Variants in HECTD4 observed in about 807,000 individuals in gnomAD.
HECTD4 encodes the protein HECT domain E3 ubiquitin protein ligase 4.
HECTD4 carries 114 observed loss-of-function variants against 471.5 expected under a neutral mutation model. The observed-to-expected ratio is 0.24, with a 90% CI of 0.21 to 0.28. HECTD4 has a LOEUF of 0.28. Ranked by LOEUF, HECTD4 falls within the 10% of genes least tolerant of loss-of-function variation. HECTD4 has a pLI of 1.00. For missense variants in HECTD4, 3,866 were observed against 5,651.5 expected (o/e 0.68, Z 10.13); for synonymous variants, 2,012 against 2,256.0 (o/e 0.89, Z 3.07).
chr12:112,203,834 T>C, intron 53 of HECTD4, 62 bp from the exon 54 acceptor site: 3 of 1,081,318 alleles, frequency 2.8e-6, no homozygotes, highest in Non-Finnish European at 3.9e-6. Context: ...GGTTCTTACA[T>C]TTAGCATCTA....
At chr12:112,165,908 C>G (rs1033578934) in intron 72 of HECTD4, among the ~76,000 whole-genome samples, 4 of 152,190 alleles carry the variant, frequency 2.6e-5, no homozygotes, top group Admixed American at 6.5e-5. Flanking sequence ...GATGGACATT[C>G]GGGTCTAAGC....
chr12:112,208,123 C>A, intron 51 of HECTD4, 123 bp from the exon 52 acceptor site: 1 of 1,133,098 alleles, frequency 8.8e-7, no homozygotes, highest in South Asian at 1.6e-5. Flanking sequence ...ATAGAAAGAT[C>A]AGACATAGAC....
chr12:112,280,459 A>G (rs1440834651), intron 8 of HECTD4, among the ~76,000 whole-genome samples: 1 of 152,214 alleles, frequency 6.6e-6, no homozygotes, highest in East Asian at 1.9e-4. Flanking sequence ...ATAACTTATT[A>G]TCTATAGCCT....
In HECTD4 at chr12:112,166,871, G is replaced by A. The variant is rs138097869; in HGVS notation, c.12534+446C>T. On this transcript the variant is annotated intron_variant, in intron 72 of 75. Coordinates refer to ENST00000682272, the MANE Select transcript of HECTD4 (RefSeq NM_001388303.1). The surrounding 1 kb of genome is among the most constrained non-coding windows in gnomAD (Gnocchi z 4.6). ...AGCACCATGCTGTCAACATCTGTGC[G>A]TGGCGTACGCATGCCCTGGACAGGC... 1.0e-3 allele frequency: 159 copies of A among 156,208 alleles called. No individual in the cohort carries two copies. The highest frequency in any genetic ancestry group is 3.5e-3 in the African/African-American group (147 of 41,648). 9.7% of individuals were successfully genotyped at this position (156,208 alleles called of 1,614,324 possible). A position where few individuals can be genotyped will look rare whatever the true frequency, so the allele number is the denominator to read the frequency against.
intron 1 of HECTD4, among the ~76,000 whole-genome samples, chr12:112,367,328 A>C (rs1274142126): frequency 6.6e-6 from 1 of 151,354 alleles, no homozygotes; most frequent in Non-Finnish European, 1.5e-5. Flanking sequence ...GAAAGAAAGA[A>C]AGAAAGAAAG....
In HECTD4 at chr12:112,270,121, C is replaced by G. The variant is rs868180797; in HGVS notation, c.2175+106G>C. ...GATCAGAAGGTGGTAAGATGCAGAACAGGAAAATCATTAAATTTTTCTTCT... is the reference window on the plus strand; with the variant it reads ...GATCAGAAGGTGGTAAGATGCAGAAGAGGAAAATCATTAAATTTTTCTTCT... On this transcript the variant is annotated intron_variant, in intron 12 of 75. Transcript: ENST00000682272. The G allele has an allele frequency of 5.9e-5, 57 of 967,786 alleles. No homozygotes were observed. In the Middle Eastern group the frequency reaches 3.1e-3, roughly 52 times the overall value. The allele number at this position is 967,786 out of a possible 1,614,324, so 59.9% of individuals were successfully genotyped here.
intron 50 of HECTD4, among the ~76,000 whole-genome samples, chr12:112,209,545 C>T (rs1361159656): frequency 2.0e-5 from 3 of 152,106 alleles, no homozygotes; most frequent in Non-Finnish European, 4.4e-5. Flanking sequence ...AGGCTGGTCT[C>T]GAACTCCCAA....
intron 37 of HECTD4, among the ~76,000 whole-genome samples, 184 bp downstream of exon 37, chr12:112,234,893 T>A (rs1429300576): frequency 6.6e-6 from 1 of 152,216 alleles, no homozygotes; most frequent in African/African-American, 2.4e-5. Context: ...GAAGACTACA[T>A]CTGCATTTCA....
At chr12:112,200,079 A>T (rs910947352) in intron 55 of HECTD4, among the ~76,000 whole-genome samples, 1 of 151,854 alleles carries the variant, frequency 6.6e-6, no homozygotes, top group African/African-American at 2.4e-5. Context: ...GAGTCAGTCA[A>T]TCTCTAGCTA....
Position 112,228,573 on chromosome 12 carries a change from A to T in HECTD4, c.6684+74T>A. 7.7e-7 allele frequency: 1 copy of T among 1,299,320 alleles called. No homozygotes were observed. The highest frequency in any genetic ancestry group is 1.1e-6 in the Non-Finnish European group (1 of 940,762). 80.5% of individuals were successfully genotyped at this position (1,299,320 alleles called of 1,614,324 possible). ...ATCAAGCATTTGTGCTTCTGCACTG[A>T]GCATGTGCATAGACTCATTACAGTA... On this transcript the variant is annotated intron_variant, in intron 42 of 75. Coordinates refer to ENST00000682272, the MANE Select transcript of HECTD4 (RefSeq NM_001388303.1). The surrounding 1 kb of genome is among the most constrained non-coding windows in gnomAD (Gnocchi z 4.9).
At chr12:112,233,607 T>G (rs977092785) in intron 37 of HECTD4, among the ~76,000 whole-genome samples, 2 of 152,128 alleles carry the variant, frequency 1.3e-5, no homozygotes, top group African/African-American at 4.8e-5. Flanking sequence ...TTATAGCACT[T>G]TAGGGCCCAA....
Position 112,204,599 on chromosome 12 carries a change from G to A in HECTD4, c.8156C>T (p.Thr2719Met). The change falls in exon 53 of 76, where the codon ACG becomes ATG. Residue 2719 changes from threonine to methionine, a missense_variant. Transcript: ENST00000682272. ...QLGMVDIARQ[T>M]VEFLYEENGG... Reference sequence around the variant, plus strand: ...ATTCTCTTCGTAGAGAAATTCAACCGTCTGTCGGGCAATATCCACCATACC... The same window carrying A: ...ATTCTCTTCGTAGAGAAATTCAACCATCTGTCGGGCAATATCCACCATACC... 4 of 1,613,314 alleles carry A rather than the reference G, an allele frequency of 2.5e-6. No homozygotes were observed. The highest frequency in any genetic ancestry group is 1.3e-5 in the African/African-American group (1 of 74,996).
chr12:112,193,533 C>T lies in HECTD4; in HGVS notation c.8891G>A (p.Arg2964Gln), dbSNP rs759487781. The T allele has an allele frequency of 1.1e-5, 17 of 1,612,354 alleles. No individual in the cohort carries two copies. The highest frequency in any genetic ancestry group is 5.3e-5 in the African/African-American group (4 of 74,882). The stretch of plus-strand genomic sequence containing the variant: ...GCTCTCCTCGCCCTGGTGCAGGGTC[C>T]GGGTGATGGCCACGTTGAGCCACTC... ...VREWLNVAIT[R>Q]TLHQGEESLL... The change falls in exon 57 of 76, where the codon CGG becomes CAG. Residue 2964 changes from arginine (R) to glutamine (Q), a missense_variant. By Grantham distance (43) the Arg-to-Gln change is conservative (BLOSUM62 1). Transcript: ENST00000682272. The surrounding 1 kb of genome is among the most constrained non-coding windows in gnomAD (Gnocchi z 5.2).
In HECTD4 at chr12:112,194,234, A is replaced by G. The variant is rs2032169074; in HGVS notation, c.8750-560T>C. On this transcript the variant is annotated intron_variant, in intron 56 of 75. Coordinates refer to ENST00000682272, the MANE Select transcript of HECTD4 (RefSeq NM_001388303.1). The surrounding 1 kb of genome is among the most constrained non-coding windows in gnomAD (Gnocchi z 4.6). ...ACCCCACAGTTGTGAGCTGGAGGGC[A>G]GCTACCCAGGATGCTGACTGAGCCT... is the stretch of plus-strand genomic sequence containing the variant. Among the ~76,000 whole-genome samples, 1 of 152,382 alleles carries G rather than the reference A, an allele frequency of 6.6e-6. No individual in the cohort carries two copies. Among genetic ancestry groups the G allele is most frequent in the Middle Eastern group, 3.4e-3 (1 of 294 alleles).
chr12:112,181,522 G>T (rs2031667567), intron 62 of HECTD4, among the ~76,000 whole-genome samples: 1 of 152,110 alleles, frequency 6.6e-6, no homozygotes, highest in Non-Finnish European at 1.5e-5. Context: ...GAGTGCAGTG[G>T]CGTGATCTCA....
intron 1 of HECTD4, among the ~76,000 whole-genome samples, chr12:112,324,006 C>T (rs1374591364): frequency 4.6e-5 from 2 of 43,558 alleles, no homozygotes; most frequent in African/African-American, 5.2e-4. Context: ...TCCTTCCTTC[C>T]TTCCTTCCTT....
intron 14 of HECTD4, 56 bp from the exon 15 acceptor site, chr12:112,266,039 T>A: frequency 1.6e-6 from 2 of 1,240,958 alleles, no homozygotes; most frequent in Non-Finnish European, 2.3e-6. Flanking sequence ...AGAATACTGA[T>A]GCTATTTTTA....
At chr12:112,293,076 C>T (rs748130588) in intron 7 of HECTD4, among the ~76,000 whole-genome samples, 81 of 150,950 alleles carry the variant, frequency 5.4e-4, no homozygotes, top group Non-Finnish European at 5.6e-4. Flanking sequence ...ATTCAAATAT[C>T]GAATGAGGGC....
In HECTD4 at chr12:112,381,649, T is replaced by C. The variant is rs2036892124; in HGVS notation, c.177+303A>G. On this transcript the variant is annotated intron_variant, in intron 1 of 75. Transcript: ENST00000682272. This position sits in a 1 kb window ranked among gnomAD's most constrained non-coding sequence, Gnocchi z 4.1. ...GCCCGGGTGGTGGCGGTGGCTCCTC[T>C]GGGGCATGAAGGCCGAGCCAGGCGC... Among the ~76,000 whole-genome samples the C allele has an allele frequency of 6.6e-6, 1 of 151,884 alleles. No individual in the cohort carries two copies. The highest frequency in any genetic ancestry group is 6.6e-5 in the Admixed American group (1 of 15,250).
Sources: allele counts gnomAD v4.1 joint callset (sites outside exome capture counted in the v4.1 genomes callset), GRCh38; gene constraint gnomAD v4.1.1; non-coding constraint Gnocchi (gnomAD v3.1); transcripts MANE v1.5; gene names NCBI Gene and HGNC (gene_info 2026-07-23, HGNC 2026-07-21).